The following PDE8B variants were observed in gnomAD, a reference collection of about 807,000 sequenced individuals.
PDE8B encodes the protein phosphodiesterase 8B.
In PDE8B, 26 loss-of-function variants were observed where a neutral mutation model predicts 101.3. The observed-to-expected ratio is 0.26, with a 90% CI of 0.19 to 0.36. The LOEUF (loss-of-function observed/expected upper bound fraction) is 0.36. PDE8B is among the 10% of genes least tolerant of loss of function. The pLI, the probability that PDE8B is intolerant of heterozygous loss-of-function variation, is 1.00. For missense variants in PDE8B, 810 were observed against 1,163.1 expected, an observed-to-expected ratio of 0.70 and a Z score of 4.42; for synonymous variants, 424 against 429.3, an observed-to-expected ratio of 0.99 and a Z score of 0.15.
the PDE8B span, among the ~76,000 whole-genome samples, chr5:77,097,701 A>ATCTATATATATATATATCTATATC: frequency 3.2e-3 from 70 of 21,630 alleles, 2 homozygotes; most frequent in African/African-American, 8.7e-3. Context: ...ATCTATATAT[A>ATCTATATATATATATATCTATATC]TATATCTATA....
At chr5:77,368,737 T>G (rs1177502153) in intron 10 of PDE8B, among the ~76,000 whole-genome samples, 1 of 152,186 alleles carries the variant, frequency 6.6e-6, no homozygotes, top group African/African-American at 2.4e-5. Context: ...GTTACCAGCA[T>G]CATGTCTTAT....
chr5:77,384,666 A>G (rs1187468523), intron 10 of PDE8B, among the ~76,000 whole-genome samples: 2 of 152,094 alleles, frequency 1.3e-5, no homozygotes, highest in Non-Finnish European at 2.9e-5. Context: ...TAGTTTATTG[A>G]GAGTTTTTAG....
the PDE8B span, among the ~76,000 whole-genome samples, chr5:77,196,898 C>G: frequency 6.6e-6 from 1 of 151,942 alleles, no homozygotes; most frequent in Admixed American, 6.6e-5. Context: ...TAAAATATTT[C>G]TTCTTGAGTA....
intron 1 of PDE8B, among the ~76,000 whole-genome samples, chr5:77,221,504 C>T (rs558689539): frequency 6.6e-6 from 1 of 152,164 alleles, no homozygotes; most frequent in Admixed American, 6.5e-5. Context: ...AACAGAAAAT[C>T]GGAGTATGCG....
At chr5:77,116,005 T>C in the PDE8B span, among the ~76,000 whole-genome samples, 1 of 151,996 alleles carries the variant, frequency 6.6e-6, no homozygotes, top group Non-Finnish European at 1.5e-5. Flanking sequence ...AAGACAAATA[T>C]GCCAATAATA....
At chr5:77,375,094 CA>C (rs1489436857) in intron 10 of PDE8B, among the ~76,000 whole-genome samples, 1 of 152,214 alleles carries the variant, frequency 6.6e-6, no homozygotes, top group Non-Finnish European at 1.5e-5. Context: ...CAATAGCTGC[CA>C]TATACGTGAT....
At chr5:77,379,084 GAC>G (rs1786946989) in intron 10 of PDE8B, among the ~76,000 whole-genome samples, 1 of 152,202 alleles carries the variant, frequency 6.6e-6, no homozygotes, top group Non-Finnish European at 1.5e-5. Context: ...GCTAAACAAT[GAC>G]AGTACTTCTC....
chr5:77,297,565 A>G (rs1768882333), intron 1 of PDE8B, among the ~76,000 whole-genome samples: 2 of 152,178 alleles, frequency 1.3e-5, no homozygotes, highest in African/African-American at 4.8e-5. Flanking sequence ...GGATCATTGC[A>G]GGAACTCCTT....
At chr5:77,361,841 A>G (rs1208795182) in intron 10 of PDE8B, among the ~76,000 whole-genome samples, 2 of 152,118 alleles carry the variant, frequency 1.3e-5, no homozygotes, top group Admixed American at 1.3e-4. Flanking sequence ...TGTAAGTGAA[A>G]ATATCAACTA....
chr5:77,178,394 C>G, the PDE8B span, among the ~76,000 whole-genome samples: 1 of 152,172 alleles, frequency 6.6e-6, no homozygotes, highest in East Asian at 1.9e-4. Context: ...TTTTGCCTTG[C>G]TTTACCTTCC....
intron 20 of PDE8B, among the ~76,000 whole-genome samples, chr5:77,424,833 G>GTTTTT (rs557961807): frequency 6.8e-6 from 1 of 146,904 alleles, no homozygotes; most frequent in Non-Finnish European, 1.5e-5. Context: ...TTTGTTTTTT[G>GTTTTT]TTTTTAATGT....
chr5:77,336,339 C>G (rs1441197178), intron 5 of PDE8B, among the ~76,000 whole-genome samples: 1 of 152,154 alleles, frequency 6.6e-6, no homozygotes, highest in Non-Finnish European at 1.5e-5. Flanking sequence ...AAGCAAAAAG[C>G]CATTTTCATC....
chr5:77,094,248 C>G, the PDE8B span, among the ~76,000 whole-genome samples: 1 of 152,118 alleles, frequency 6.6e-6, no homozygotes, highest in Non-Finnish European at 1.5e-5. Flanking sequence ...TCCCAGCATC[C>G]TGGGAATTTA....
intron 11 of PDE8B, among the ~76,000 whole-genome samples, chr5:77,401,947 G>A (rs1166527130): frequency 4.6e-5 from 7 of 152,094 alleles, no homozygotes; most frequent in African/African-American, 1.2e-4. Context: ...TCTAATGAAC[G>A]ACTTAGAATT....
the PDE8B span, among the ~76,000 whole-genome samples, chr5:77,202,515 C>T: frequency 1.3e-5 from 2 of 152,102 alleles, no homozygotes; most frequent in African/African-American, 4.8e-5. Flanking sequence ...ATAACATTTT[C>T]TTTTCTCTAG....
intron 1 of PDE8B, among the ~76,000 whole-genome samples, chr5:77,306,600 G>C (rs1284907847): frequency 1.3e-5 from 2 of 152,152 alleles, no homozygotes. Flanking sequence ...GGCTTTCCAG[G>C]TCAACTGCTT....
the PDE8B span, among the ~76,000 whole-genome samples, chr5:77,201,938 A>G: frequency 6.6e-6 from 1 of 152,162 alleles, no homozygotes; most frequent in African/African-American, 2.4e-5. Flanking sequence ...TCCCTCCTCA[A>G]CTTGCAGGTG....
the PDE8B span, among the ~76,000 whole-genome samples, chr5:77,130,789 T>C: frequency 6.6e-6 from 1 of 152,212 alleles, no homozygotes; most frequent in African/African-American, 2.4e-5. Context: ...AGATCATCTC[T>C]TCCCACCAAA....
At chr5:77,365,563 G>C (rs1403570190) in intron 10 of PDE8B, among the ~76,000 whole-genome samples, 2 of 152,218 alleles carry the variant, frequency 1.3e-5, no homozygotes, top group Non-Finnish European at 1.5e-5. Flanking sequence ...CTGGCACACA[G>C]AAAATATCTA....
Sources: gnomAD v4.1 joint callset for allele counts (sites outside exome capture counted in the v4.1 genomes callset) on GRCh38, gnomAD v4.1.1 for gene constraint, MANE v1.5 for transcripts, NCBI Gene and HGNC (gene_info 2026-07-23, HGNC 2026-07-21) for gene names.